MEF2A: variants seen among roughly 807,000 people sequenced by gnomAD.
The protein encoded by MEF2A is myocyte enhancer factor 2A.
Under a neutral mutation model 55.8 loss-of-function variants are expected in MEF2A, and 28 were observed. The observed-to-expected ratio is 0.50, with a 90% CI of 0.37 to 0.69. The LOEUF (loss-of-function observed/expected upper bound fraction) is 0.69, where lower values mean the gene tolerates loss of function less well. MEF2A is among the 30% of genes least tolerant of loss of function. The pLI, the probability that MEF2A is intolerant of heterozygous loss-of-function variation, is 0.00. For synonymous variants in MEF2A, 239 were observed against 227.1 expected (o/e 1.05, Z -0.47); for missense variants, 528 against 626.2 (o/e 0.84, Z 1.67).
At chr15:99,617,253 ATG>A (rs1279065211) in intron 2 of MEF2A, among the ~76,000 whole-genome samples, 2 of 114,340 alleles carry the variant, frequency 1.7e-5, no homozygotes, top group Non-Finnish European at 3.9e-5. Context: ...AAGGCCATAT[ATG>A]TGTTTGGTTT....
At chr15:99,582,572 G>A (rs905417219) in intron 1 of MEF2A, among the ~76,000 whole-genome samples, 6 of 151,856 alleles carry the variant, frequency 4.0e-5, no homozygotes, top group Non-Finnish European at 8.8e-5. Context: ...GTATTCTCTT[G>A]ATGTAGCATC....
intron 8 of MEF2A, among the ~76,000 whole-genome samples, chr15:99,700,459 C>A (rs2057255305): frequency 6.6e-6 from 1 of 151,726 alleles, no homozygotes; most frequent in African/African-American, 2.4e-5. Flanking sequence ...CTGCAGTGGC[C>A]TATGATTGTA....
At chr15:99,585,241 C>G (rs919970927) in intron 1 of MEF2A, among the ~76,000 whole-genome samples, 2 of 152,080 alleles carry the variant, frequency 1.3e-5, no homozygotes, top group Non-Finnish European at 2.9e-5. Flanking sequence ...GTGTTCTGCC[C>G]ATCTGTCTAT....
At chr15:99,583,880 G>A (rs751970260) in intron 1 of MEF2A, among the ~76,000 whole-genome samples, 1 of 152,082 alleles carries the variant, frequency 6.6e-6, no homozygotes, top group Non-Finnish European at 1.5e-5. Flanking sequence ...TCTGAGAAAT[G>A]CATCATTAGC....
At chr15:99,703,513 G>C (rs1283260477) in intron 9 of MEF2A, 128 bp downstream of exon 9, 3 of 766,738 alleles carry the variant, frequency 3.9e-6, no homozygotes, top group Non-Finnish European at 6.0e-6. Context: ...CAAACACTTT[G>C]AATAAAGCAA....
intron 2 of MEF2A, 148 bp from the exon 3 acceptor site, chr15:99,632,830 A>C: frequency 3.8e-6 from 1 of 265,122 alleles, no homozygotes; most frequent in South Asian, 6.9e-5. Context: ...AGTTAACAAG[A>C]CTTCAACTTA....
At chr15:99,584,106 T>C (rs1279210981) in intron 1 of MEF2A, among the ~76,000 whole-genome samples, 2 of 152,080 alleles carry the variant, frequency 1.3e-5, no homozygotes, top group Non-Finnish European at 2.9e-5. Flanking sequence ...AAGGGTACAG[T>C]AAAAATATGG....
At chr15:99,566,846 C>CG (rs1959835380) in intron 1 of MEF2A, among the ~76,000 whole-genome samples, 2 of 152,044 alleles carry the variant, frequency 1.3e-5, no homozygotes, top group Admixed American at 1.3e-4. Context: ...CCCGATCGTG[C>CG]GGGGAGACGT....
At chr15:99,608,897 G>A (rs191182649) in intron 2 of MEF2A, among the ~76,000 whole-genome samples, 13 of 148,608 alleles carry the variant, frequency 8.7e-5, no homozygotes, top group East Asian at 8.0e-4. Flanking sequence ...GTGAAACTCC[G>A]TCTCAAAAAA....
chr15:99,592,296 T>G (rs1320503588), intron 1 of MEF2A, among the ~76,000 whole-genome samples: 1 of 152,170 alleles, frequency 6.6e-6, no homozygotes, highest in African/African-American at 2.4e-5. Context: ...AACTTTTTTT[T>G]TATTATACTG....
At chr15:99,687,771 C>CCAT (rs1297930117) in intron 7 of MEF2A, among the ~76,000 whole-genome samples, 2 of 152,032 alleles carry the variant, frequency 1.3e-5, no homozygotes, top group African/African-American at 4.8e-5. Context: ...TATATTCATG[C>CCAT]CTATGTGATA....
At chr15:99,646,321 T>A (rs2045956707) in intron 4 of MEF2A, among the ~76,000 whole-genome samples, 1 of 152,136 alleles carries the variant, frequency 6.6e-6, no homozygotes, top group South Asian at 2.1e-4. Flanking sequence ...TAGAATGATC[T>A]TCTCAGAAAT....
chr15:99,712,723 A>T lies in MEF2A; in HGVS notation c.1470A>T (p.Arg490Ser). 1 of 1,565,006 alleles carries T rather than the reference A, an allele frequency of 6.4e-7. No homozygotes were observed. The highest frequency in any genetic ancestry group is 8.7e-7 in the Non-Finnish European group (1 of 1,154,588). Reference protein sequence around the residue: ...VLGRPPNTEDRESPSVKRMRM... With the variant: ...VLGRPPNTEDSESPSVKRMRM... ...GCCGACCCCCAAACACTGAGGACAG[A>T]GAAAGCCCTTCTGTAAAGCGAATGA... is the stretch of plus-strand genomic sequence containing the variant. The change falls in exon 12 of 12, where the codon AGA becomes AGT. Residue 490 changes from arginine to serine, a missense_variant. Physicochemically the swap from Arg to Ser is moderately radical, Grantham distance 110. This residue lies in a region of MEF2A where 450 missense variants were observed against 475.3 expected (regional missense o/e 0.95). Coordinates refer to ENST00000557942, the MANE Select transcript of MEF2A (RefSeq NM_001319206.4). This position sits in a 1 kb window ranked among gnomAD's most constrained non-coding sequence, Gnocchi z 4.1.
chr15:99,591,171 GCTT>G (rs1236450160), intron 1 of MEF2A, among the ~76,000 whole-genome samples: 1 of 152,096 alleles, frequency 6.6e-6, no homozygotes, highest in Admixed American at 6.6e-5. Context: ...CCATTTTTCT[GCTT>G]CTTAAAACTC....
chr15:99,655,460 T>C (rs1387518770), intron 4 of MEF2A, among the ~76,000 whole-genome samples: 4 of 152,110 alleles, frequency 2.6e-5, no homozygotes, highest in Non-Finnish European at 5.9e-5. Flanking sequence ...CCAGCTGTGG[T>C]ATTTAATATT....
At chr15:99,678,820 G>T (rs1328900686) in intron 7 of MEF2A, 1 of 324,192 alleles carries the variant, frequency 3.1e-6, no homozygotes, top group Non-Finnish European at 4.4e-6. Flanking sequence ...TGTAAAGAGA[G>T]TAAAAAGGCA....
chr15:99,708,799 T>C (rs1022207379), intron 10 of MEF2A, among the ~76,000 whole-genome samples: 14 of 152,104 alleles, frequency 9.2e-5, no homozygotes, highest in Non-Finnish European at 1.6e-4. Context: ...GGAAGGAACA[T>C]GCGTGACTCA....
At chr15:99,606,920 T>TCACACACA (rs1975362001) in intron 2 of MEF2A, among the ~76,000 whole-genome samples, 1 of 152,188 alleles carries the variant, frequency 6.6e-6, no homozygotes, top group East Asian at 1.9e-4. Flanking sequence ...CAATATGATG[T>TCACACACA]TCATCATAGT....
chr15:99,701,535 G>A (rs2057390568), intron 8 of MEF2A, among the ~76,000 whole-genome samples: 1 of 152,198 alleles, frequency 6.6e-6, no homozygotes, highest in African/African-American at 2.4e-5. Context: ...GACATCAGTT[G>A]AAAGACTGGT....
Sources: gnomAD v4.1 joint callset for allele counts (sites outside exome capture counted in the v4.1 genomes callset) on GRCh38, gnomAD v4.1.1 for gene constraint, gnomAD v4.1.1 regional missense constraint, Gnocchi (gnomAD v3.1) non-coding constraint, MANE v1.5 for transcripts, NCBI Gene and HGNC (gene_info 2026-07-23, HGNC 2026-07-21) for gene names.